Variants in MEF2A observed in about 807,000 individuals in gnomAD.
MEF2A encodes the protein myocyte-specific enhancer factor 2A.
In MEF2A, 28 loss-of-function variants were observed where a neutral mutation model predicts 55.8. The ratio of observed to expected loss-of-function variants is 0.50; its 90% CI spans 0.37 to 0.69. The LOEUF is 0.69. Among genes scored for constraint, MEF2A ranks in the 30% least tolerant of loss-of-function variants. MEF2A has a pLI of 0.00. For synonymous variants in MEF2A, 239 were observed against 227.1 expected (o/e 1.05, Z -0.47); for missense variants, 528 against 626.2 (o/e 0.84, Z 1.67).
intron 2 of MEF2A, among the ~76,000 whole-genome samples, chr15:99,622,467 A>T (rs2041347557): frequency 6.6e-6 from 1 of 152,198 alleles, no homozygotes; most frequent in African/African-American, 2.4e-5. Flanking sequence ...GGTTAGCTTG[A>T]ATTAATAAAA....
intron 4 of MEF2A, among the ~76,000 whole-genome samples, chr15:99,669,930 T>A (rs1035088296): frequency 6.6e-6 from 1 of 152,220 alleles, no homozygotes; most frequent in Admixed American, 6.5e-5. Context: ...ACTAGTTCAG[T>A]GATCAAGCTT....
chr15:99,611,125 C>T (rs1462678578), intron 2 of MEF2A, among the ~76,000 whole-genome samples: 2 of 152,068 alleles, frequency 1.3e-5, no homozygotes, highest in African/African-American at 4.8e-5. Context: ...ACTTGTAATC[C>T]CAGCTACTCA....
chr15:99,625,735 TG>T (rs1186906938), intron 2 of MEF2A, among the ~76,000 whole-genome samples: 2 of 152,284 alleles, frequency 1.3e-5, no homozygotes, highest in East Asian at 3.9e-4. Flanking sequence ...TAGATGATCA[TG>T]TTTTTTTTCC....
chr15:99,634,685 G>A (rs2043476270), intron 3 of MEF2A, among the ~76,000 whole-genome samples: 1 of 152,098 alleles, frequency 6.6e-6, no homozygotes, highest in Admixed American at 6.5e-5. Flanking sequence ...ATGTGTAGGT[G>A]ACGGTAATGG....
Position 99,712,881 on chromosome 15 carries a change from A to G in MEF2A, c.*110A>G. ...AATATATTTATATGTACATACATAT[A>G]TATATCCCTTTACATATATATGTAT... On this transcript the variant is annotated 3_prime_UTR_variant, in exon 12 of 12. Coordinates refer to ENST00000557942, the MANE Select transcript of MEF2A (RefSeq NM_001319206.4). This position sits in a 1 kb window ranked among gnomAD's most constrained non-coding sequence, Gnocchi z 4.1. 6.8e-6 allele frequency: 8 copies of G among 1,174,232 alleles called. No homozygotes were observed. Among genetic ancestry groups the G allele is most frequent in the Non-Finnish European group, 9.5e-6 (8 of 841,930 alleles). 72.7% of individuals were successfully genotyped at this position (1,174,232 alleles called of 1,614,324 possible). A position where few individuals can be genotyped will look rare whatever the true frequency, so the allele number is the denominator to read the frequency against.
At chr15:99,687,084 C>CTTTTT (rs71149484) in intron 7 of MEF2A, among the ~76,000 whole-genome samples, 927 of 67,774 alleles carry the variant, frequency 0.014, 14 homozygotes, top group East Asian at 0.018. Context: ...ATTAATTTTT[C>CTTTTT]TTTTTTTTTT....
Position 99,715,245 on chromosome 15 carries a change from C to T in MEF2A, c.*2474C>T, listed in dbSNP as rs1393876975. On this transcript the variant is annotated 3_prime_UTR_variant, in exon 12 of 12. Coordinates refer to ENST00000557942, the MANE Select transcript of MEF2A (RefSeq NM_001319206.4). ...TCCTTCGTTATTATTTATGCATGTT[C>T]ATGAACTTCTGCTGTACATTGGAAT... 3 of 152,154 alleles carry T rather than the reference C, an allele frequency of 2.0e-5. No homozygotes were observed. The highest frequency in any genetic ancestry group is 7.2e-5 in the African/African-American group (3 of 41,432). 9.4% of individuals were successfully genotyped at this position (152,154 alleles called of 1,614,324 possible).
Position 99,659,537 on chromosome 15 carries a change from G to T in MEF2A, c.259-11786G>T, listed in dbSNP as rs182488944. On this transcript the variant is annotated intron_variant, in intron 4 of 11. Coordinates refer to ENST00000557942, the MANE Select transcript of MEF2A (RefSeq NM_001319206.4). ...GTTCCTGATTACAGCTCTCTTATCT[G>T]TTCTCCCTTTGATTTGCTGACTGAT... Among the ~76,000 whole-genome samples, 3 of 152,232 alleles carry T rather than the reference G, an allele frequency of 2.0e-5. No individual in the cohort carries two copies. In the East Asian group the frequency reaches 5.8e-4, roughly 29 times the overall value.
chr15:99,629,336 C>G (rs1181007644), intron 2 of MEF2A, among the ~76,000 whole-genome samples: 1 of 152,218 alleles, frequency 6.6e-6, no homozygotes, highest in Non-Finnish European at 1.5e-5. Context: ...AGGGGTGCCT[C>G]ATTGGCCAGT....
chr15:99,576,445 C>T (rs572620988), intron 1 of MEF2A, among the ~76,000 whole-genome samples: 2 of 152,102 alleles, frequency 1.3e-5, no homozygotes, highest in South Asian at 2.1e-4. Context: ...TGATTTGTCT[C>T]GAACAAGGTT....
intron 1 of MEF2A, among the ~76,000 whole-genome samples, chr15:99,573,383 A>G (rs907164120): frequency 6.6e-6 from 1 of 152,040 alleles, no homozygotes. Flanking sequence ...TCATAAAGGT[A>G]CTTTCCAAAT....
chr15:99,611,872 A>G (rs889601704), intron 2 of MEF2A, among the ~76,000 whole-genome samples: 3 of 152,216 alleles, frequency 2.0e-5, no homozygotes, highest in Non-Finnish European at 4.4e-5. Context: ...GTTATAACCC[A>G]GATGAACCTT....
intron 11 of MEF2A, 104 bp downstream of exon 11, chr15:99,710,864 C>A: frequency 3.9e-6 from 5 of 1,291,430 alleles, no homozygotes; most frequent in South Asian, 1.5e-5. Context: ...GTGAGGAATC[C>A]TGTAATGATT....
At chr15:99,706,392 C>T (rs1326713204) in intron 9 of MEF2A, among the ~76,000 whole-genome samples, 1 of 152,228 alleles carries the variant, frequency 6.6e-6, no homozygotes, top group Non-Finnish European at 1.5e-5. Context: ...AAAACCTACA[C>T]ATACTTCATT....
chr15:99,609,397 A>G (rs956852080), intron 2 of MEF2A, among the ~76,000 whole-genome samples: 2 of 152,240 alleles, frequency 1.3e-5, no homozygotes, highest in Non-Finnish European at 2.9e-5. Flanking sequence ...TTCTGCCTTT[A>G]TGAAAGTTAC....
At chr15:99,696,387 G>A (rs898504997) in intron 8 of MEF2A, among the ~76,000 whole-genome samples, 3 of 152,136 alleles carry the variant, frequency 2.0e-5, no homozygotes, top group Admixed American at 6.5e-5. Context: ...TCAGTGAATT[G>A]AAATCAGGCA....
chr15:99,636,451 T>C (rs1003338445), intron 3 of MEF2A, among the ~76,000 whole-genome samples: 4 of 152,158 alleles, frequency 2.6e-5, no homozygotes, highest in African/African-American at 9.7e-5. Flanking sequence ...GCTCAAGTGA[T>C]CCTCTCATCT....
intron 2 of MEF2A, among the ~76,000 whole-genome samples, chr15:99,604,829 G>A (rs1001706595): frequency 2.0e-5 from 3 of 151,896 alleles, no homozygotes; most frequent in African/African-American, 4.8e-5. Flanking sequence ...AGCCTTTTCC[G>A]TGGGGTTAAT....
chr15:99,626,693 T>C (rs1364395983), intron 2 of MEF2A, among the ~76,000 whole-genome samples: 1 of 152,196 alleles, frequency 6.6e-6, no homozygotes. Flanking sequence ...CCCGCTGATA[T>C]GTTGATAGGG....
Sources: gnomAD v4.1 joint callset for allele counts (sites outside exome capture counted in the v4.1 genomes callset) on GRCh38, gnomAD v4.1.1 for gene constraint, Gnocchi (gnomAD v3.1) non-coding constraint, MANE v1.5 for transcripts, NCBI Gene and HGNC (gene_info 2026-07-23, HGNC 2026-07-21) for gene names.